TPTE2: variants seen among roughly 807,000 people sequenced by gnomAD.
TPTE2 encodes transmembrane phosphoinositide 3-phosphatase and tensin homolog 2.
TPTE2 carries 53 observed loss-of-function variants against 78.6 expected under a neutral mutation model. The ratio of observed to expected loss-of-function variants is 0.67; its 90% confidence interval spans 0.54 to 0.85. TPTE2 has a LOEUF of 0.85. Among genes scored for constraint, TPTE2 ranks in the 40% least tolerant of loss-of-function variants. TPTE2 has a pLI of 0.00. For synonymous variants in TPTE2, 175 were observed against 206.2 expected (o/e 0.85, Z 1.30); for missense variants, 461 against 623.0 (o/e 0.74, Z 2.77).
At chr13:19,560,464 G>A in the TPTE2 span, 1 of 1,603,442 alleles carries the variant, frequency 6.2e-7, no homozygotes, top group East Asian at 2.2e-5. Context: ...TGAGCGCTGG[G>A]CCACACCCGG....
At chr13:19,512,146 G>A (rs1263241767) in intron 1 of TPTE2, among the ~76,000 whole-genome samples, 1 of 152,108 alleles carries the variant, frequency 6.6e-6, no homozygotes, top group Non-Finnish European at 1.5e-5. Context: ...TCTGAAAGTG[G>A]TATTCAAATC....
intron 10 of TPTE2, among the ~76,000 whole-genome samples, chr13:19,462,619 T>C (rs1878996276): frequency 1.3e-5 from 2 of 151,774 alleles, no homozygotes; most frequent in South Asian, 4.2e-4. Context: ...CTTGGCCCAC[T>C]GCAACCTCCA....
chr13:19,538,523 T>C (rs1179996377), upstream of TPTE2, among the ~76,000 whole-genome samples: 1 of 149,310 alleles, frequency 6.7e-6, no homozygotes, highest in Non-Finnish European at 1.5e-5. Flanking sequence ...CCCAGCCTTT[T>C]TTTTTCTTTT....
chr13:19,552,498 A>G, the TPTE2 span: 2 of 571,078 alleles, frequency 3.5e-6, no homozygotes, highest in South Asian at 5.4e-5. Context: ...AAGTATCTAC[A>G]CTCTGAAAGT....
intron 10 of TPTE2, among the ~76,000 whole-genome samples, chr13:19,452,158 G>A (rs1878227468): frequency 6.6e-6 from 1 of 152,062 alleles, no homozygotes; most frequent in African/African-American, 2.4e-5. Context: ...CTGCATAGTG[G>A]GGGAGGCAAG....
chr13:19,485,406 G>T (rs1880607856), intron 3 of TPTE2, among the ~76,000 whole-genome samples: 1 of 151,650 alleles, frequency 6.6e-6, no homozygotes, highest in Non-Finnish European at 1.5e-5. Flanking sequence ...TAAGGTTTCT[G>T]CTGGGAAATC....
At chr13:19,439,592 G>A (rs1344279312) in intron 13 of TPTE2, among the ~76,000 whole-genome samples, 3 of 152,184 alleles carry the variant, frequency 2.0e-5, no homozygotes, top group African/African-American at 7.2e-5. Flanking sequence ...GATCACACTA[G>A]CTCTCTGGCA....
rs542184331 is a variant in TPTE2 at position 19,516,810 on chromosome 13, G to A, written c.-43-13533C>T. Among the ~76,000 whole-genome samples, 39 of 152,190 alleles carry A rather than the reference G, an allele frequency of 2.6e-4. No homozygotes were observed. The Middle Eastern group carries it at 0.01, about 40-fold the overall frequency. The stretch of plus-strand genomic sequence containing the variant: ...ATATTATCACACTGCCTAAAATGTC[G>A]TATTTTTAAGGACATTAACAGGCAT... On this transcript the variant is annotated intron_variant, in intron 1 of 17. Coordinates refer to the TPTE2 transcript ENST00000390680.
chr13:19,525,209 G>A (rs112079034), intron 1 of TPTE2, among the ~76,000 whole-genome samples: 3,708 of 152,258 alleles, frequency 0.024, 64 homozygotes, highest in Middle Eastern at 0.051. Flanking sequence ...AGTACAACTT[G>A]TGATTGACTA....
At chr13:19,506,063 T>C (rs1026176068), upstream of TPTE2, 1 of 151,556 alleles carries the variant, frequency 6.6e-6, no homozygotes, top group Admixed American at 6.6e-5. Flanking sequence ...TCAGCTTCTC[T>C]TTCTCTGTCA....
intron 19 of TPTE2, 22 bp from the exon 23 acceptor site, chr13:19,423,186 T>C: frequency 6.4e-7 from 1 of 1,574,004 alleles, no homozygotes; most frequent in South Asian, 1.2e-5. Flanking sequence ...AAAAAAAAAT[T>C]ACATTTTATA....
intron 3 of TPTE2, among the ~76,000 whole-genome samples, chr13:19,489,879 A>G (rs977442485): frequency 6.6e-6 from 1 of 152,062 alleles, no homozygotes; most frequent in Non-Finnish European, 1.5e-5. Flanking sequence ...GTAGTGAAAG[A>G]CTACTGATGT....
intron 10 of TPTE2, among the ~76,000 whole-genome samples, chr13:19,452,829 G>A (rs186351156): frequency 1.2e-4 from 18 of 152,082 alleles, no homozygotes; most frequent in Middle Eastern, 3.4e-3. Context: ...AGCCTTATGC[G>A]CAAAGATGTC....
At chr13:19,496,131 G>T (rs916083938) in intron 1 of TPTE2, among the ~76,000 whole-genome samples, 21 of 152,182 alleles carry the variant, frequency 1.4e-4, no homozygotes, top group Admixed American at 3.9e-4. Context: ...CTCCCAAAGT[G>T]CTGGGACTAC....
chr13:19,490,416 G>C (rs1165203017), intron 3 of TPTE2, among the ~76,000 whole-genome samples: 1 of 151,888 alleles, frequency 6.6e-6, no homozygotes, highest in Non-Finnish European at 1.5e-5. Flanking sequence ...TTTGAAACAT[G>C]GTGTTTAATT....
the TPTE2 span, among the ~76,000 whole-genome samples, chr13:19,555,498 T>C: frequency 6.6e-6 from 1 of 152,314 alleles, no homozygotes; most frequent in East Asian, 1.9e-4. Context: ...TTGTACTTAA[T>C]TGGGAGCAAA....
chr13:19,442,248 A>C (rs1345937239), intron 13 of TPTE2, among the ~76,000 whole-genome samples: 7 of 152,096 alleles, frequency 4.6e-5, no homozygotes, highest in African/African-American at 1.4e-4. Flanking sequence ...TGTGTCCACA[A>C]CAAAATGTAA....
chr13:19,444,798 G>A (rs1720764183), intron 13 of TPTE2, among the ~76,000 whole-genome samples: 1 of 152,208 alleles, frequency 6.6e-6, no homozygotes, highest in African/African-American at 2.4e-5. Flanking sequence ...TAAGATAGTT[G>A]TGCTATTGGC....
At chr13:19,546,253 CA>C in the TPTE2 span, among the ~76,000 whole-genome samples, 10 of 152,006 alleles carry the variant, frequency 6.6e-5, no homozygotes, top group Admixed American at 2.0e-4. Flanking sequence ...TTACATTTCC[CA>C]GCCCCTATTG....
Sources: gnomAD v4.1 joint callset for allele counts (sites outside exome capture counted in the v4.1 genomes callset) on GRCh38, gnomAD v4.1.1 for gene constraint, MANE v1.5 for transcripts, NCBI Gene and HGNC (gene_info 2026-07-23, HGNC 2026-07-21) for gene names.